SHTN1: variants seen among roughly 807,000 people sequenced by gnomAD.
SHTN1 encodes the protein shootin 1.
A neutral mutation model predicts 83.1 loss-of-function variants in SHTN1; 42 were observed. The observed-to-expected ratio is 0.51, with a 90% confidence interval of 0.39 to 0.65. SHTN1 has a LOEUF of 0.65. SHTN1 is among the 30% of genes least tolerant of loss of function. The pLI is 0.00. For missense variants in SHTN1, 622 were observed against 737.8 expected (o/e 0.84, Z 1.82); for synonymous variants, 224 against 247.7 (o/e 0.90, Z 0.90).
chr10:116,953,662 C>G lies in SHTN1; in HGVS notation c.436+380G>C, dbSNP rs1433844585. Among the ~76,000 whole-genome samples, 6 of 137,624 alleles carry G rather than the reference C, an allele frequency of 4.4e-5. 1 individual carries two copies. The highest frequency in any genetic ancestry group is 1.5e-4 in the Admixed American group (2 of 13,020). 90.3% of individuals were successfully genotyped at this position (137,624 alleles called of 152,430 possible). A position where few individuals can be genotyped will look rare whatever the true frequency, so the allele number is the denominator to read the frequency against. On this transcript the variant is annotated intron_variant, in intron 5 of 16. Coordinates refer to ENST00000355371, the MANE Select transcript of SHTN1 (RefSeq NM_001127211.3). ...TTTTTTTTTGAGACAGAGTCTCGCTCTGTCGCTCAGGCTGGAGTGCAACGG... is the reference window on the plus strand; with the variant it reads ...TTTTTTTTTGAGACAGAGTCTCGCTGTGTCGCTCAGGCTGGAGTGCAACGG...
chr10:117,065,223 A>AGATGACGGGTT (rs1852959201), intron 1 of SHTN1, among the ~76,000 whole-genome samples: 1 of 152,170 alleles, frequency 6.6e-6, no homozygotes, highest in South Asian at 2.1e-4. Flanking sequence ...CTTCAAACCT[A>AGATGACGGGTT]GATGACGGGT....
intron 1 of SHTN1, among the ~76,000 whole-genome samples, chr10:117,119,986 A>G (rs1438075141): frequency 3.9e-5 from 6 of 152,174 alleles, no homozygotes; most frequent in Non-Finnish European, 7.3e-5. Flanking sequence ...CAAAACAATT[A>G]AACTCATGGA....
chr10:116,987,028 A>AT (rs1050706446), intron 1 of SHTN1, among the ~76,000 whole-genome samples: 11 of 151,916 alleles, frequency 7.2e-5, no homozygotes, highest in African/African-American at 2.7e-4. Flanking sequence ...TGCCCGGCCT[A>AT]TTTTTTTAAA....
intron 1 of SHTN1, among the ~76,000 whole-genome samples, chr10:117,064,092 C>T (rs1406327220): frequency 2.0e-5 from 3 of 152,058 alleles, no homozygotes; most frequent in Admixed American, 1.3e-4. Flanking sequence ...TGAGCACTGG[C>T]GTTAAGAAAC....
intron 1 of SHTN1, among the ~76,000 whole-genome samples, chr10:117,004,298 G>C (rs1298564254): frequency 1.3e-5 from 2 of 152,120 alleles, no homozygotes; most frequent in Non-Finnish European, 2.9e-5. Context: ...GTTTGGTTCA[G>C]AAGTGTGGTA....
chr10:117,073,841 T>C (rs1853118587), intron 1 of SHTN1, among the ~76,000 whole-genome samples: 1 of 152,148 alleles, frequency 6.6e-6, no homozygotes, highest in African/African-American at 2.4e-5. Context: ...TTTTGCATCT[T>C]GTCATGGTCC....
intron 3 of SHTN1, among the ~76,000 whole-genome samples, chr10:116,961,842 G>A (rs916484382): frequency 6.6e-6 from 1 of 152,202 alleles, no homozygotes; most frequent in Admixed American, 6.5e-5. Flanking sequence ...TCAGAGGACA[G>A]TGATTATAAC....
At chr10:116,908,794 T>C (rs567864660) in intron 14 of SHTN1, among the ~76,000 whole-genome samples, 1 of 152,340 alleles carries the variant, frequency 6.6e-6, no homozygotes, top group African/African-American at 2.4e-5. Context: ...CCTCAAATTC[T>C]TGACTGTAGT....
chr10:116,998,090 T>A (rs1176148895), intron 1 of SHTN1, among the ~76,000 whole-genome samples: 1 of 151,674 alleles, frequency 6.6e-6, no homozygotes, highest in Non-Finnish European at 1.5e-5. Flanking sequence ...AGACTCTGTC[T>A]CAAAAAAAAA....
At chr10:116,964,478 G>C in intron 3 of SHTN1, among the ~76,000 whole-genome samples, 1 of 152,138 alleles carries the variant, frequency 6.6e-6, no homozygotes, top group East Asian at 1.9e-4. Flanking sequence ...TGCTTCTAGA[G>C]CAAATCTCTC....
chr10:116,967,195 G>A (rs577205338), intron 3 of SHTN1, among the ~76,000 whole-genome samples: 5 of 152,248 alleles, frequency 3.3e-5, no homozygotes, highest in East Asian at 1.9e-4. Context: ...TCCCTGCTAC[G>A]GTCTGACCCT....
chr10:116,978,762 C>T (rs1850904121), intron 2 of SHTN1, among the ~76,000 whole-genome samples: 1 of 152,170 alleles, frequency 6.6e-6, no homozygotes, highest in Non-Finnish European at 1.5e-5. Flanking sequence ...CCCACCTTCA[C>T]AGTGGATGCT....
At chr10:117,014,411 G>T (rs186037617) in intron 2 of SHTN1, among the ~76,000 whole-genome samples, 143 of 152,280 alleles carry the variant, frequency 9.4e-4, no homozygotes, top group African/African-American at 3.2e-3. Flanking sequence ...GAAGGGATGG[G>T]GGAAAGGATC....
intron 1 of SHTN1, among the ~76,000 whole-genome samples, chr10:116,998,122 C>T (rs1272343933): frequency 6.6e-6 from 1 of 152,088 alleles, no homozygotes; most frequent in Non-Finnish European, 1.5e-5. Flanking sequence ...TTAAGATACA[C>T]CGCTTTGAGG....
intron 15 of SHTN1, among the ~76,000 whole-genome samples, chr10:116,903,296 G>A (rs1847820730): frequency 6.6e-6 from 1 of 152,152 alleles, no homozygotes; most frequent in South Asian, 2.1e-4. Flanking sequence ...ACTTTGAGAG[G>A]CCGAGGCAGG....
chr10:116,958,076 A>C (rs113111125), intron 4 of SHTN1, among the ~76,000 whole-genome samples: 152 of 152,342 alleles, frequency 1.0e-3, no homozygotes, highest in Middle Eastern at 3.4e-3. Flanking sequence ...AAAAAAAAGA[A>C]AATTACGAGG....
intron 1 of SHTN1, among the ~76,000 whole-genome samples, chr10:117,111,316 T>TG (rs1564962821): frequency 6.6e-6 from 1 of 151,930 alleles, no homozygotes. Context: ...TTCTTTGAGA[T>TG]GGAGTCTCGT....
intron 1 of SHTN1, among the ~76,000 whole-genome samples, chr10:116,980,885 G>A (rs1418667354): frequency 6.6e-6 from 1 of 152,162 alleles, no homozygotes; most frequent in East Asian, 1.9e-4. Context: ...TATCACCAAT[G>A]TCCAGAAGTT....
At chr10:117,052,025 A>T (rs1554934161) in intron 1 of SHTN1, among the ~76,000 whole-genome samples, 2 of 12,392 alleles carry the variant, frequency 1.6e-4, no homozygotes, top group Non-Finnish European at 2.6e-4. Flanking sequence ...TATATATAGA[A>T]AAGCCTAAGG....
Sources: gnomAD v4.1 joint callset for allele counts (sites outside exome capture counted in the v4.1 genomes callset) on GRCh38, gnomAD v4.1.1 for gene constraint, MANE v1.5 for transcripts, NCBI Gene and HGNC (gene_info 2026-07-23, HGNC 2026-07-21) for gene names.